The following LAPTM4B variants were observed in gnomAD, a reference collection of about 807,000 sequenced individuals.
The protein encoded by LAPTM4B is lysosomal protein transmembrane 4 beta.
A neutral mutation model predicts 28.5 loss-of-function variants in LAPTM4B; 26 were observed. The observed-to-expected ratio is 0.91, with a 90% confidence interval of 0.67 to 1.27. LAPTM4B has a LOEUF of 1.27. LAPTM4B is among the 50% of genes most tolerant of loss of function. The probability of loss-of-function intolerance (pLI) is 0.00; values close to 1 mark genes in which losing one functional copy is unlikely to be tolerated. For synonymous variants in LAPTM4B, 109 were observed against 106.4 expected, an observed-to-expected ratio of 1.02 and a Z score of -0.15; for missense variants, 288 against 285.8, an observed-to-expected ratio of 1.01 and a Z score of -0.06.
intron 4 of LAPTM4B, 103 bp from the exon 5 acceptor site, chr8:97,819,037 C>G (rs1816964247): frequency 1.3e-6 from 1 of 743,776 alleles, no homozygotes; most frequent in Non-Finnish European, 2.3e-6. Context: ...TAGCTGTCTG[C>G]TTTAATCAGT....
At position 97,852,987 on chromosome 8, in the gene LAPTM4B, A is replaced by C; in HGVS notation, c.*1513A>C. ...TAGAAAAAGGTGTAGCCGGCATACA[A>C]ATGTTATCTACAGTGTATTTTTAGA... On this transcript the variant is annotated 3_prime_UTR_variant, in exon 7 of 7. Coordinates refer to ENST00000521545, the MANE Select transcript of LAPTM4B (RefSeq NM_018407.6). 1.5e-6 allele frequency: 1 copy of C among 686,526 alleles called. No individual in the cohort carries two copies. The highest frequency in any genetic ancestry group is 2.3e-6 in the Non-Finnish European group (1 of 435,082). The allele number at this position is 686,526 out of a possible 1,614,324, so 42.5% of individuals were successfully genotyped here.
intron 1 of LAPTM4B, among the ~76,000 whole-genome samples, chr8:97,787,490 T>C (rs1414203359): frequency 2.6e-5 from 4 of 152,108 alleles, no homozygotes; most frequent in Non-Finnish European, 5.9e-5. Context: ...TTCACCATGT[T>C]AGCCAGGATG....
At chr8:97,817,722 A>T (rs904049672) in intron 4 of LAPTM4B, among the ~76,000 whole-genome samples, 5 of 150,806 alleles carry the variant, frequency 3.3e-5, no homozygotes, top group Non-Finnish European at 4.4e-5. Context: ...AGTGCTAGGA[A>T]TACAGGCGCC....
chr8:97,814,741 C>T (rs766244573), intron 2 of LAPTM4B, among the ~76,000 whole-genome samples: 6 of 140,466 alleles, frequency 4.3e-5, no homozygotes, highest in East Asian at 4.4e-4. Context: ...TCGCCCAGAC[C>T]GGAGTGCAGT....
rs1399397451 is a variant in LAPTM4B, at chr8:97,852,567, G to A, written c.*1093G>A. On this transcript the variant is annotated 3_prime_UTR_variant, in exon 7 of 7. Transcript: ENST00000521545. ...TATTGAATGTGCTGTAAATTAAGTT[G>A]TTTGCAATTAAAACAAGGTTTGCCC... is the stretch of plus-strand genomic sequence containing the variant. The A allele has an allele frequency of 6.6e-6, 1 of 152,364 alleles. No individual in the cohort carries two copies. The highest frequency in any genetic ancestry group is 1.5e-5 in the Non-Finnish European group (1 of 68,396). The allele number at this position is 152,364 out of a possible 1,614,324, so 9.4% of individuals were successfully genotyped here. A position where few individuals can be genotyped will look rare whatever the true frequency, so the allele number is the denominator to read the frequency against.
chr8:97,796,382 G>A (rs957086589), intron 1 of LAPTM4B, among the ~76,000 whole-genome samples: 4 of 152,160 alleles, frequency 2.6e-5, no homozygotes, highest in African/African-American at 9.7e-5. Context: ...ACAAGTATGA[G>A]CCACTGTGCT....
intron 6 of LAPTM4B, among the ~76,000 whole-genome samples, chr8:97,842,529 T>C (rs781641724): frequency 6.6e-6 from 1 of 152,116 alleles, no homozygotes; most frequent in Non-Finnish European, 1.5e-5. Context: ...GTTTTTGTTT[T>C]TGTTTTTGAG....
intron 6 of LAPTM4B, among the ~76,000 whole-genome samples, chr8:97,849,709 G>C (rs528487833): frequency 1.8e-4 from 27 of 152,282 alleles, no homozygotes; most frequent in African/African-American, 6.0e-4. Context: ...CTTGACATGG[G>C]CTGGGCCTTG....
At chr8:97,814,934 C>G (rs1053444869) in intron 2 of LAPTM4B, among the ~76,000 whole-genome samples, 13 of 152,112 alleles carry the variant, frequency 8.5e-5, no homozygotes, top group African/African-American at 1.2e-4. Flanking sequence ...ACCTCGTGAT[C>G]GCCCTCCTCG....
At chr8:97,801,172 C>A (rs987433484) in intron 1 of LAPTM4B, among the ~76,000 whole-genome samples, 2 of 133,534 alleles carry the variant, frequency 1.5e-5, no homozygotes, top group Non-Finnish European at 3.1e-5. Flanking sequence ...TTGTGTGGTT[C>A]TTCATACTTT....
At chr8:97,826,203 T>G (rs115194057) in intron 6 of LAPTM4B, among the ~76,000 whole-genome samples, 2,471 of 152,304 alleles carry the variant, frequency 0.016, 51 homozygotes, top group African/African-American at 0.055. Context: ...TGTTATACAC[T>G]GACAGTTTTC....
chr8:97,830,235 T>G (rs1172522360), intron 6 of LAPTM4B, among the ~76,000 whole-genome samples: 1 of 151,738 alleles, frequency 6.6e-6, no homozygotes, highest in African/African-American at 2.4e-5. Context: ...TTGGAGATAA[T>G]TAGGGAGGGG....
At chr8:97,827,780 G>T (rs899267713) in intron 6 of LAPTM4B, among the ~76,000 whole-genome samples, 6 of 152,192 alleles carry the variant, frequency 3.9e-5, no homozygotes, top group African/African-American at 1.4e-4. Context: ...AGTCAGCGAA[G>T]GGTGGTGGGA....
chr8:97,806,754 C>T (rs568964295), intron 2 of LAPTM4B, among the ~76,000 whole-genome samples: 3 of 152,058 alleles, frequency 2.0e-5, no homozygotes, highest in African/African-American at 7.2e-5. Context: ...GCCAGGAGTT[C>T]GAGACCAGCC....
At position 97,816,153 on chromosome 8, in the gene LAPTM4B, C is replaced by G; in HGVS notation, c.381C>G (p.Asn127Lys). ...CAATCACTGTGCTTATTTATCCAAACTCCATTCAGGAATACATACGGCAAC... is the reference window on the plus strand; with the variant it reads ...CAATCACTGTGCTTATTTATCCAAAGTCCATTCAGGAATACATACGGCAAC... The part of the protein sequence containing the change: ...LVAITVLIYP[N>K]SIQEYIRQLP... Residue 127 changes from asparagine to lysine, a missense_variant, in exon 4 of 7, where the codon AAC becomes AAG. Asn to Lys is a moderately conservative substitution (Grantham distance 94). Coordinates refer to ENST00000521545, the MANE Select transcript of LAPTM4B (RefSeq NM_018407.6). 6.2e-7 allele frequency: 1 copy of G among 1,613,556 alleles called. No individual in the cohort carries two copies. Among genetic ancestry groups the G allele is most frequent in the Non-Finnish European group, 8.5e-7 (1 of 1,179,824 alleles).
At chr8:97,831,168 G>A (rs1817178332) in intron 6 of LAPTM4B, among the ~76,000 whole-genome samples, 1 of 152,182 alleles carries the variant, frequency 6.6e-6, no homozygotes, top group Non-Finnish European at 1.5e-5. Context: ...AATACTGAGG[G>A]CTTGGGAAAC....
chr8:97,812,545 G>A (rs1037244998), intron 2 of LAPTM4B, among the ~76,000 whole-genome samples: 4 of 152,096 alleles, frequency 2.6e-5, no homozygotes, highest in African/African-American at 9.7e-5. Context: ...GCAAAAGTAC[G>A]CCTTTGTATG....
intron 2 of LAPTM4B, among the ~76,000 whole-genome samples, chr8:97,815,087 A>G (rs1276920370): frequency 2.0e-5 from 3 of 152,098 alleles, no homozygotes; most frequent in African/African-American, 7.2e-5. Context: ...AGACACCTAT[A>G]TATCTATAAA....
Position 97,851,342 on chromosome 8 carries a change from G to A in LAPTM4B, c.604-55G>A, listed in dbSNP as rs73274259. 2,275 of 1,382,852 alleles carry A rather than the reference G, an allele frequency of 1.6e-3. 22 individuals carry two copies. In the African/African-American group the frequency reaches 0.025, roughly 15 times the overall value. The allele number at this position is 1,382,852 out of a possible 1,614,324, so 85.7% of individuals were successfully genotyped here. On this transcript the variant is annotated intron_variant, in intron 6 of 6. Transcript: ENST00000521545. ...AAAAGTTCAGTAAAAGCTAAACCTC[G>A]GGGAACGTGTGTGCTCTTCAAACAT...
Sources: allele counts gnomAD v4.1 joint callset (sites outside exome capture counted in the v4.1 genomes callset), GRCh38; gene constraint gnomAD v4.1.1; transcripts MANE v1.5; gene names NCBI Gene and HGNC (gene_info 2026-07-23, HGNC 2026-07-21).